Variants in NSUN7 observed in about 807,000 individuals in gnomAD.
NSUN7 encodes NOP2/Sun RNA methyltransferase family member 7.
In NSUN7, 39 loss-of-function variants were observed where a neutral mutation model predicts 58.5. That is an observed-to-expected ratio of 0.67 (90% CI 0.52 to 0.87). The LOEUF (loss-of-function observed/expected upper bound fraction) is 0.87, where lower values mean the gene tolerates loss of function less well. Ranked by LOEUF, NSUN7 falls within the 40% of genes least tolerant of loss-of-function variation. The pLI, the probability that NSUN7 is intolerant of heterozygous loss-of-function variation, is 0.00. For synonymous variants in NSUN7, 278 were observed against 303.7 expected (o/e 0.92, Z 0.88); for missense variants, 765 against 844.1 (o/e 0.91, Z 1.16).
chr4:40,774,017 C>T lies in NSUN7; in HGVS notation c.489-248C>T, dbSNP rs1372231115. 2.0e-5 allele frequency among the ~76,000 whole-genome samples: 3 copies of T among 152,102 alleles called. No homozygotes were observed. The East Asian group carries it at 5.8e-4, about 29-fold the overall frequency. The stretch of plus-strand genomic sequence containing the variant: ...TTCCCCAGGTTGGTCAGGCTGGTCT[C>T]GAACACCTGACCTCAGGTGATCCAC... On this transcript the variant is annotated intron_variant, in intron 4 of 11. Transcript: ENST00000381782.
intron 10 of NSUN7, among the ~76,000 whole-genome samples, chr4:40,805,569 C>T (rs555835427): frequency 6.4e-4 from 97 of 152,316 alleles, no homozygotes; most frequent in African/African-American, 2.2e-3. Flanking sequence ...GGGACCTATC[C>T]TACATCTGCA....
chr4:40,785,896 C>T (rs1011340650), intron 7 of NSUN7, among the ~76,000 whole-genome samples: 8 of 152,220 alleles, frequency 5.3e-5, no homozygotes, highest in Admixed American at 1.3e-4. Context: ...AGCTGGCGCG[C>T]GGCGCCTGCC....
chr4:40,757,080 T>A (rs1300102462), intron 2 of NSUN7, among the ~76,000 whole-genome samples: 2 of 152,030 alleles, frequency 1.3e-5, no homozygotes, highest in Admixed American at 1.3e-4. Context: ...AATACAAAAA[T>A]TAGCCGGGCA....
chr4:40,786,815 C>G, intron 7 of NSUN7: 1 of 1,174,334 alleles, frequency 8.5e-7, no homozygotes, highest in Non-Finnish European at 1.2e-6. Flanking sequence ...GTCTGCCCTC[C>G]TGGATGCTAT....
chr4:40,774,113 C>T (rs1196744825), intron 4 of NSUN7, 152 bp from the exon 5 acceptor site: 3 of 758,498 alleles, frequency 4.0e-6, no homozygotes, highest in South Asian at 3.3e-5. Context: ...TTTCTATTTA[C>T]AAATATGACA....
chr4:40,760,548 G>T, intron 3 of NSUN7, 56 bp downstream of exon 3: 10 of 1,373,886 alleles, frequency 7.3e-6, no homozygotes, highest in Non-Finnish European at 8.2e-6. Flanking sequence ...AAAAAAGAAA[G>T]TGTTTAAAAG....
In NSUN7 at chr4:40,792,039, C is replaced by T. The variant is rs114313065; in HGVS notation, c.1180+1294C>T. On this transcript the variant is annotated intron_variant, in intron 8 of 11. Coordinates refer to ENST00000381782, the MANE Select transcript of NSUN7 (RefSeq NM_024677.6). ...TACACTGTACCACATGGAATTTTGA[C>T]TTGCTATAGAAAATTTCTTTCCAGA... Among the ~76,000 whole-genome samples, 496 of 152,304 alleles carry T rather than the reference C, an allele frequency of 3.3e-3. 3 individuals are homozygous for T. Among genetic ancestry groups the T allele is most frequent in the African/African-American group, 0.012 (480 of 41,558 alleles).
rs1301045656 is a variant in NSUN7 at position 40,790,453 on chromosome 4, G to C, written c.1037-149G>C. ...CTGTATTAACTTTGGGTAGATATCA[G>C]AGAAGAATAGCCTTCTTTTCTAACT... On this transcript the variant is annotated intron_variant, in intron 7 of 11. Transcript: ENST00000381782. 1.5e-5 allele frequency: 8 copies of C among 522,516 alleles called. No individual in the cohort carries two copies. In the Admixed American group the frequency reaches 3.0e-4, roughly 20 times the overall value. The allele number at this position is 522,516 out of a possible 1,614,324, so 32.4% of individuals were successfully genotyped here.
At chr4:40,804,027 A>G (rs1743714771) in intron 10 of NSUN7, among the ~76,000 whole-genome samples, 1 of 152,206 alleles carries the variant, frequency 6.6e-6, no homozygotes, top group African/African-American at 2.4e-5. Flanking sequence ...AAGAAAGAAA[A>G]TAGAAAACCC....
At chr4:40,784,649 A>C (rs949741712) in intron 7 of NSUN7, among the ~76,000 whole-genome samples, 5 of 152,226 alleles carry the variant, frequency 3.3e-5, no homozygotes, top group African/African-American at 7.2e-5. Flanking sequence ...GAGAATGACT[A>C]CTAATGAGTA....
At chr4:40,754,214 C>G (rs571846764) in intron 2 of NSUN7, among the ~76,000 whole-genome samples, 1 of 150,256 alleles carries the variant, frequency 6.7e-6, no homozygotes, top group East Asian at 2.0e-4. Flanking sequence ...ATCGCGCAAT[C>G]TCGGTTCACT....
chr4:40,810,041 A>AAAG lies in NSUN7; in HGVS notation c.*1103_*1105dup, dbSNP rs879400922. ...AGACATATTCATAAAGTTTGAATTT[A>AAAG]AAGTTTTATTTTTGCAATTCAGTTG... On this transcript the variant is annotated 3_prime_UTR_variant, in exon 12 of 12. Transcript: ENST00000381782. 2.0e-5 allele frequency: 3 copies of AAAG among 152,348 alleles called. No individual in the cohort carries two copies. Among genetic ancestry groups the AAAG allele is most frequent in the African/African-American group, 7.2e-5 (3 of 41,582 alleles). The allele number at this position is 152,348 out of a possible 1,614,324, so 9.4% of individuals were successfully genotyped here.
Position 40,760,448 on chromosome 4 carries a change from G to T in NSUN7, c.313G>T (p.Glu105Ter), listed in dbSNP as rs1222149018. 26 of 1,609,170 alleles carry T rather than the reference G, an allele frequency of 1.6e-5. No homozygotes were observed. The highest frequency in any genetic ancestry group is 2.0e-5 in the Non-Finnish European group (23 of 1,177,666). Residue 105 changes from glutamate to a stop codon, truncating the protein, a stop_gained, in exon 3 of 12, where the codon GAA (glutamate) becomes TAA (stop). Transcript: ENST00000381782. LOFTEE classifies it high-confidence loss of function. Reference protein sequence around the residue: ...FSALKYQDILETILIDSCIFP... With the variant: ...FSALKYQDIL The stretch of plus-strand genomic sequence containing the variant: ...TTGTTTTGCAGATCAAGATATTTTG[G>T]AAACTATATTGATAGACAGCTGTAT...
At chr4:40,774,980 C>T in intron 6 of NSUN7, 30 bp downstream of exon 6, 1 of 909,076 alleles carries the variant, frequency 1.1e-6, no homozygotes, top group Non-Finnish European at 1.7e-6. Flanking sequence ...CATTGTGATT[C>T]TCAACAATCC....
At chr4:40,785,656 C>T (rs912855818) in intron 7 of NSUN7, among the ~76,000 whole-genome samples, 16 of 136,234 alleles carry the variant, frequency 1.2e-4, no homozygotes, top group Non-Finnish European at 2.2e-4. Context: ...CCACCATGCC[C>T]AGCCACACTT....
In NSUN7 at chr4:40,760,564, A is replaced by G. The variant is rs2154286741; in HGVS notation, c.357+72A>G. ...AAAAAGAAAGTGTTTAAAAGCCTTT[A>G]GATTTAAATAGTTTGAGGCCGGGCG... On this transcript the variant is annotated intron_variant, in intron 3 of 11. Coordinates refer to ENST00000381782, the MANE Select transcript of NSUN7 (RefSeq NM_024677.6). 9.4e-6 allele frequency: 12 copies of G among 1,282,682 alleles called. No homozygotes were observed. In the Middle Eastern group the frequency reaches 8.1e-4, roughly 86 times the overall value. The allele number at this position is 1,282,682 out of a possible 1,614,324, so 79.5% of individuals were successfully genotyped here. A position where few individuals can be genotyped will look rare whatever the true frequency, so the allele number is the denominator to read the frequency against.
intron 4 of NSUN7, among the ~76,000 whole-genome samples, chr4:40,766,089 A>G (rs1396640656): frequency 6.6e-6 from 1 of 152,086 alleles, no homozygotes; most frequent in Non-Finnish European, 1.5e-5. Flanking sequence ...CTCCTGCCTA[A>G]TTGCCCTGGC....
intron 7 of NSUN7, among the ~76,000 whole-genome samples, chr4:40,780,140 A>T (rs1487449018): frequency 6.6e-6 from 1 of 151,990 alleles, no homozygotes; most frequent in African/African-American, 2.4e-5. Flanking sequence ...ACTTAGCCGG[A>T]TGAGTGGTAC....
At chr4:40,808,060 TGA>T (rs1743894368) in intron 11 of NSUN7, among the ~76,000 whole-genome samples, 1 of 145,000 alleles carries the variant, frequency 6.9e-6, no homozygotes, top group Non-Finnish European at 1.5e-5. Flanking sequence ...AAAATCTGTG[TGA>T]TTCTTTTTTT....
Sources: gnomAD v4.1 joint callset for allele counts (sites outside exome capture counted in the v4.1 genomes callset) on GRCh38, gnomAD v4.1.1 for gene constraint, MANE v1.5 for transcripts, NCBI Gene and HGNC (gene_info 2026-07-23, HGNC 2026-07-21) for gene names.